SPRED2: variants seen among roughly 807,000 people sequenced by gnomAD.
The protein encoded by SPRED2 is sprouty-related, EVH1 domain-containing protein 2.
In SPRED2, 47 loss-of-function variants were observed where a neutral mutation model predicts 43.0. The ratio of observed to expected loss-of-function variants is 1.09; its 90% CI spans 0.87 to 1.40. The LOEUF is 1.40. Ranked by LOEUF, SPRED2 falls within the 40% of genes most tolerant of loss-of-function variation. The pLI, the probability that SPRED2 is intolerant of heterozygous loss-of-function variation, is 0.00. For synonymous variants in SPRED2, 225 were observed against 225.7 expected (o/e 1.00, Z 0.03); for missense variants, 561 against 586.4 (o/e 0.96, Z 0.45).
chr2:65,409,691 C>G (rs552120698), intron 1 of SPRED2, among the ~76,000 whole-genome samples: 1 of 90,226 alleles, frequency 1.1e-5, no homozygotes, highest in Non-Finnish European at 2.1e-5. Flanking sequence ...CAGTTTCCTG[C>G]AAAAAAAAAA....
chr2:65,414,359 T>C (rs899724803), intron 1 of SPRED2, among the ~76,000 whole-genome samples: 1 of 152,202 alleles, frequency 6.6e-6, no homozygotes, highest in African/African-American at 2.4e-5. Context: ...CAGTATAACC[T>C]CTGAAGCTAA....
chr2:65,352,931 A>G (rs1674552263), intron 1 of SPRED2, among the ~76,000 whole-genome samples: 1 of 152,176 alleles, frequency 6.6e-6, no homozygotes, highest in African/African-American at 2.4e-5. Context: ...GCCAGCTTTG[A>G]TTTTTAAAAA....
intron 1 of SPRED2, among the ~76,000 whole-genome samples, chr2:65,396,830 A>C (rs1364589936): frequency 6.6e-6 from 1 of 152,234 alleles, no homozygotes; most frequent in Non-Finnish European, 1.5e-5. Flanking sequence ...TCAGTGCTTC[A>C]GTCCTGAAGG....
Position 65,401,937 on chromosome 2 carries a change from GCACACACA to G in SPRED2, c.26+30017_26+30024del, listed in dbSNP as rs1553426622. Among the ~76,000 whole-genome samples, 49 of 114,760 alleles carry G rather than the reference GCACACACA, an allele frequency of 4.3e-4. 1 individual carries two copies. Among genetic ancestry groups the G allele is most frequent in the East Asian group, 1.6e-3 (7 of 4,448 alleles). 75.3% of individuals were successfully genotyped at this position (114,760 alleles called of 152,430 possible). ...ACGATCAGAATATTAGCGCGCGCGC[GCACACACA>G]CACACACACACACACACACACACAC... On this transcript the variant is annotated intron_variant, in intron 1 of 5. Transcript: ENST00000356388.
chr2:65,429,120 T>G lies in SPRED2; in HGVS notation c.26+2842A>C, dbSNP rs1676621658. 2.0e-5 allele frequency among the ~76,000 whole-genome samples: 3 copies of G among 152,208 alleles called. No homozygotes were observed. The South Asian group carries it at 6.2e-4, about 31-fold the overall frequency. ...ATATTAGAAGAATTTTAAATTGACA[T>G]GGAAAACAACATTAGAAAACAAAAC... On this transcript the variant is annotated intron_variant, in intron 1 of 5. Coordinates refer to ENST00000356388, the MANE Select transcript of SPRED2 (RefSeq NM_181784.3).
intron 1 of SPRED2, among the ~76,000 whole-genome samples, chr2:65,383,766 A>G (rs1489594429): frequency 1.3e-5 from 2 of 152,208 alleles, no homozygotes; most frequent in Non-Finnish European, 2.9e-5. Flanking sequence ...ATACTTCTAT[A>G]GAGGTCTTGA....
At chr2:65,357,671 G>A (rs1674695160) in intron 1 of SPRED2, among the ~76,000 whole-genome samples, 2 of 152,278 alleles carry the variant, frequency 1.3e-5, no homozygotes, top group African/African-American at 4.8e-5. Flanking sequence ...ATTCTAAGGA[G>A]AAATGAAGAG....
intron 4 of SPRED2, among the ~76,000 whole-genome samples, chr2:65,317,546 CAACAACAACAACAAA>C (rs772274416): frequency 0.026 from 3,748 of 142,480 alleles, 55 homozygotes; most frequent in African/African-American, 0.04. Context: ...ACAACAACAA[CAACAACAACAACAAA>C]AACAAAACAT....
chr2:65,338,933 A>G (rs1674075903), intron 2 of SPRED2, among the ~76,000 whole-genome samples: 2 of 151,568 alleles, frequency 1.3e-5, no homozygotes, highest in South Asian at 2.1e-4. Context: ...AGATGTGGGG[A>G]GCGCCTCTGC....
At chr2:65,340,265 A>C (rs1211142486) in intron 2 of SPRED2, among the ~76,000 whole-genome samples, 1 of 152,248 alleles carries the variant, frequency 6.6e-6, no homozygotes, top group Non-Finnish European at 1.5e-5. Flanking sequence ...CCTGAGACCA[A>C]AAAAGTTTAA....
intron 4 of SPRED2, among the ~76,000 whole-genome samples, chr2:65,327,709 C>CTGTCTTTTTTTTT (rs1553416558): frequency 8.7e-6 from 1 of 115,454 alleles, no homozygotes. Context: ...TCTTTTCTTT[C>CTGTCTTTTTTTTT]TTTCTTTTTT....
chr2:65,400,549 T>C (rs930858912), intron 1 of SPRED2, among the ~76,000 whole-genome samples: 2 of 152,232 alleles, frequency 1.3e-5, no homozygotes, highest in Non-Finnish European at 2.9e-5. Context: ...TTTGGTTACA[T>C]GAGTAAGGTC....
rs1673825493 is a variant in SPRED2 at position 65,331,975 on chromosome 2, A to G, written c.438+12T>C. The G allele has an allele frequency of 6.3e-7, 1 of 1,598,520 alleles. No individual in the cohort carries two copies. The highest frequency in any genetic ancestry group is 1.7e-5 in the Admixed American group (1 of 58,892). Reference sequence around the variant, plus strand: ...CAACTAATCTGGAAAGCAAAGGACAAAGGAAACTTACTGTAAAAACGTCAT... The same window carrying G: ...CAACTAATCTGGAAAGCAAAGGACAGAGGAAACTTACTGTAAAAACGTCAT... On this transcript the variant is annotated intron_variant, in intron 4 of 5. Transcript: ENST00000356388.
rs114278201 is a variant in SPRED2 at position 65,358,912 on chromosome 2, C to G, written c.27-14016G>C. Among the ~76,000 whole-genome samples, 478 of 152,266 alleles carry G rather than the reference C, an allele frequency of 3.1e-3. 3 individuals are homozygous for G. The highest frequency in any genetic ancestry group is 0.01 in the African/African-American group (428 of 41,570). ...GGGTTTTGGCCAAGGGCTTTCCTAT[C>G]TGGGGGTGGGGTGAGGGAGAAAAGG... is the stretch of plus-strand genomic sequence containing the variant. On this transcript the variant is annotated intron_variant, in intron 1 of 5. Coordinates refer to ENST00000356388, the MANE Select transcript of SPRED2 (RefSeq NM_181784.3).
intron 1 of SPRED2, among the ~76,000 whole-genome samples, chr2:65,346,438 A>G (rs1334413625): frequency 6.6e-6 from 1 of 151,774 alleles, no homozygotes; most frequent in Admixed American, 6.6e-5. Flanking sequence ...TTGGGCAACC[A>G]TCACCCCTTT....
At chr2:65,340,537 G>C (rs954526271) in intron 2 of SPRED2, among the ~76,000 whole-genome samples, 24 of 152,234 alleles carry the variant, frequency 1.6e-4, no homozygotes, top group African/African-American at 5.8e-4. Flanking sequence ...CATAAGATTT[G>C]TTTCAGGAGT....
rs758504987 is a variant in SPRED2 at position 65,314,158 on chromosome 2, C to A, written c.600G>T (p.Arg200Ser). Residue 200 changes from arginine (R) to serine (S), a missense_variant, in exon 6 of 6, where the codon AGG becomes AGT. This residue lies in a region of SPRED2 where 305 missense variants were observed against 282.4 expected (regional missense o/e 1.08). Coordinates refer to ENST00000356388, the MANE Select transcript of SPRED2 (RefSeq NM_181784.3). ...DHYHLDQPMP[R>S]PYRQVSFPDD... is the part of the protein sequence containing the mutation. Reference sequence around the variant, plus strand: ...CCGGGAAGCTCACCTGGCGGTAGGGCCTTGGCATCGGCTGTCCCGTAGGAG... The same window carrying A: ...CCGGGAAGCTCACCTGGCGGTAGGGACTTGGCATCGGCTGTCCCGTAGGAG... 12 of 1,594,602 alleles carry A rather than the reference C, an allele frequency of 7.5e-6. No homozygotes were observed. Among genetic ancestry groups the A allele is most frequent in the Non-Finnish European group, 1.0e-5 (12 of 1,164,836 alleles).
chr2:65,399,444 G>T (rs1234415536), intron 1 of SPRED2, among the ~76,000 whole-genome samples: 1 of 140,276 alleles, frequency 7.1e-6, no homozygotes, highest in Non-Finnish European at 1.5e-5. Flanking sequence ...GTGCAGTGGT[G>T]CGATCTCAGC....
chr2:65,405,133 G>T (rs1411966814), intron 1 of SPRED2, among the ~76,000 whole-genome samples: 2 of 152,202 alleles, frequency 1.3e-5, no homozygotes, highest in Non-Finnish European at 2.9e-5. Flanking sequence ...ATATACATCA[G>T]CCCATTTTCC....
Sources: gnomAD v4.1 joint callset for allele counts (sites outside exome capture counted in the v4.1 genomes callset) on GRCh38, gnomAD v4.1.1 for gene constraint, gnomAD v4.1.1 regional missense constraint, MANE v1.5 for transcripts, NCBI Gene and HGNC (gene_info 2026-07-23, HGNC 2026-07-21) for gene names.